The following PHACTR4 variants were observed in gnomAD, a reference collection of about 807,000 sequenced individuals.
PHACTR4 encodes the protein protein phosphatase 1, regulatory subunit 124.
Under a neutral mutation model 72.7 loss-of-function variants are expected in PHACTR4, and 51 were observed. The observed-to-expected ratio is 0.70, with a 90% CI of 0.56 to 0.89. The LOEUF is 0.89. PHACTR4 is among the 40% of genes least tolerant of loss of function. The probability of loss-of-function intolerance (pLI) is 0.00; values close to 1 mark genes in which losing one functional copy is unlikely to be tolerated. For synonymous variants in PHACTR4, 255 were observed against 302.5 expected, an observed-to-expected ratio of 0.84 and a Z score of 1.63; for missense variants, 731 against 861.8, an observed-to-expected ratio of 0.85 and a Z score of 1.90.
At chr1:28,409,701 A>G (rs539489186) in intron 2 of PHACTR4, among the ~76,000 whole-genome samples, 20 of 152,228 alleles carry the variant, frequency 1.3e-4, no homozygotes, top group Non-Finnish European at 2.6e-4. Flanking sequence ...TTTTTGGGCT[A>G]CTAGTACTAG....
intron 1 of PHACTR4, 34 bp downstream of exon 1, chr1:28,369,859 C>T: frequency 2.3e-6 from 1 of 439,412 alleles, no homozygotes; most frequent in South Asian, 1.6e-5. Context: ...GTGAGCAGGA[C>T]GCGCTCAGTA....
chr1:28,444,499 A>G (rs1290346652), intron 2 of PHACTR4, among the ~76,000 whole-genome samples: 1 of 151,886 alleles, frequency 6.6e-6, no homozygotes, highest in South Asian at 2.1e-4. Flanking sequence ...AAGTACTGGG[A>G]CTACAGGCAT....
intron 2 of PHACTR4, among the ~76,000 whole-genome samples, chr1:28,429,066 A>AG (rs1288986510): frequency 1.1e-4 from 17 of 152,156 alleles, no homozygotes; most frequent in Admixed American, 3.9e-4. Context: ...GTAGAATAGG[A>AG]GGCAGTTTGT....
At chr1:28,495,736 C>A (rs1661308375) in intron 13 of PHACTR4, among the ~76,000 whole-genome samples, 1 of 151,778 alleles carries the variant, frequency 6.6e-6, no homozygotes, top group Admixed American at 6.6e-5. Context: ...CCCACCTCAG[C>A]CTCCTCAGTA....
intron 1 of PHACTR4, among the ~76,000 whole-genome samples, chr1:28,380,576 A>G (rs544779309): frequency 3.1e-4 from 47 of 152,226 alleles, no homozygotes; most frequent in African/African-American, 8.9e-4. Context: ...TCATCATGCA[A>G]TATTTGGAAC....
At chr1:28,373,416 G>C (rs1230393682) in intron 1 of PHACTR4, among the ~76,000 whole-genome samples, 10 of 152,118 alleles carry the variant, frequency 6.6e-5, no homozygotes, top group Non-Finnish European at 1.5e-5. Context: ...TCAGCCTCCT[G>C]AGTAGCTGGG....
chr1:28,429,741 C>T (rs922781511), intron 2 of PHACTR4, among the ~76,000 whole-genome samples: 3 of 152,054 alleles, frequency 2.0e-5, no homozygotes, highest in African/African-American at 7.2e-5. Flanking sequence ...CATCATGGGC[C>T]CTGCCCACAA....
At chr1:28,487,724 G>GTTTTTTTTTTTTTT (rs1054105118) in intron 9 of PHACTR4, among the ~76,000 whole-genome samples, 1 of 71,472 alleles carries the variant, frequency 1.4e-5, no homozygotes, top group African/African-American at 5.7e-5. Context: ...GTAGTTTTTT[G>GTTTTTTTTTTTTTT]TTGTTTTTTT....
chr1:28,471,430 AG>A (rs1171658707), intron 6 of PHACTR4, among the ~76,000 whole-genome samples: 1 of 152,212 alleles, frequency 6.6e-6, no homozygotes, highest in Non-Finnish European at 1.5e-5. Flanking sequence ...GTTTTATTTA[AG>A]GGAAGTTTTT....
chr1:28,447,556 T>C (rs773186506), intron 2 of PHACTR4, among the ~76,000 whole-genome samples: 5 of 151,530 alleles, frequency 3.3e-5, no homozygotes, highest in Non-Finnish European at 5.9e-5. Flanking sequence ...TGCCTGGCTA[T>C]GTATTTCGTC....
At chr1:28,394,803 T>C (rs1653360238) in intron 1 of PHACTR4, among the ~76,000 whole-genome samples, 1 of 150,668 alleles carries the variant, frequency 6.6e-6, no homozygotes, top group East Asian at 2.0e-4. Context: ...TCCATGTTGG[T>C]CAGGCTGGTC....
intron 1 of PHACTR4, among the ~76,000 whole-genome samples, chr1:28,400,726 C>T (rs1484399289): frequency 2.1e-4 from 32 of 151,982 alleles, no homozygotes; most frequent in Admixed American, 1.8e-3. Context: ...ACTACAGGCG[C>T]GCGCCACCAC....
chr1:28,385,614 ATTTTT>A (rs1225303255), intron 1 of PHACTR4, among the ~76,000 whole-genome samples: 1 of 126,938 alleles, frequency 7.9e-6, no homozygotes, highest in Non-Finnish European at 1.6e-5. Context: ...TTTTAAGTGA[ATTTTT>A]TTTTTTTTTT....
rs75794016 is a variant in PHACTR4, at chr1:28,441,677, G to A, written c.17-17408G>A. On this transcript the variant is annotated intron_variant, in intron 2 of 13. Transcript: ENST00000373839. ...TAAATAAAATACGTTCATAGGAGAA[G>A]CATGTAGATTTATCTAGATAAAACA... Among the ~76,000 whole-genome samples, 595 of 152,278 alleles carry A rather than the reference G, an allele frequency of 3.9e-3. 5 individuals are homozygous for A. The highest frequency in any genetic ancestry group is 0.013 in the African/African-American group (555 of 41,562).
chr1:28,415,918 G>A (rs567935872), intron 2 of PHACTR4, among the ~76,000 whole-genome samples: 1 of 152,112 alleles, frequency 6.6e-6, no homozygotes, highest in Non-Finnish European at 1.5e-5. Flanking sequence ...TTCTTATTCT[G>A]TATCTGAATT....
chr1:28,443,950 A>G (rs1490934896), intron 2 of PHACTR4, among the ~76,000 whole-genome samples: 1 of 151,958 alleles, frequency 6.6e-6, no homozygotes, highest in East Asian at 1.9e-4. Flanking sequence ...CAGTAATGGT[A>G]TTGCTGGATC....
chr1:28,428,931 T>C (rs953322579), intron 2 of PHACTR4, among the ~76,000 whole-genome samples: 2 of 152,224 alleles, frequency 1.3e-5, no homozygotes, highest in African/African-American at 2.4e-5. Flanking sequence ...ACCTAATCAG[T>C]AAATGGGAAA....
intron 1 of PHACTR4, among the ~76,000 whole-genome samples, chr1:28,373,719 C>T (rs1287748679): frequency 6.6e-6 from 1 of 152,190 alleles, no homozygotes; most frequent in South Asian, 2.1e-4. Flanking sequence ...AGTCACCATG[C>T]CCGGCCTCCC....
chr1:28,445,038 C>A (rs1011273225), intron 2 of PHACTR4, among the ~76,000 whole-genome samples: 1 of 151,802 alleles, frequency 6.6e-6, no homozygotes, highest in Non-Finnish European at 1.5e-5. Flanking sequence ...TCACTGCAAC[C>A]TCCACCTCTC....
Sources: gnomAD v4.1 joint callset for allele counts (sites outside exome capture counted in the v4.1 genomes callset) on GRCh38, gnomAD v4.1.1 for gene constraint, MANE v1.5 for transcripts, NCBI Gene and HGNC (gene_info 2026-07-23, HGNC 2026-07-21) for gene names.